The following SDK2 variants were observed in gnomAD, a reference collection of about 807,000 sequenced individuals.
SDK2 encodes the protein protein sidekick-2.
SDK2 carries 105 observed loss-of-function variants against 253.9 expected under a neutral mutation model. That is an observed-to-expected ratio of 0.41 (90% confidence interval 0.35 to 0.49). SDK2 has a LOEUF of 0.49. Ranked by LOEUF, SDK2 falls within the 20% of genes least tolerant of loss-of-function variation. The probability of loss-of-function intolerance (pLI) is 0.06; values close to 1 mark genes in which losing one functional copy is unlikely to be tolerated. For synonymous variants in SDK2, 1,249 were observed against 1,234.9 expected, an observed-to-expected ratio of 1.01 and a Z score of -0.24; for missense variants, 2,608 against 3,003.0, an observed-to-expected ratio of 0.87 and a Z score of 3.07.
chr17:73,512,835 T>C (rs1268536990), intron 1 of SDK2, among the ~76,000 whole-genome samples: 3 of 152,162 alleles, frequency 2.0e-5, no homozygotes, highest in Non-Finnish European at 2.9e-5. Flanking sequence ...GAAAGTAGAA[T>C]TTCAAATCAG....
chr17:73,350,688 C>T lies in SDK2; in HGVS notation c.5861G>A (p.Arg1954Gln), dbSNP rs373850295. ...ILLLVFVLII[R>Q]GQSKKYAKKT... Reference sequence around the variant, plus strand: ...CTTGGCGTACTTCTTGCTCTGGCCCCGGATGATGAGCACGAAGACCAGAAG... The same window carrying T: ...CTTGGCGTACTTCTTGCTCTGGCCCTGGATGATGAGCACGAAGACCAGAAG... The change falls in exon 42 of 45, where the codon CGG becomes CAG. Residue 1954 changes from arginine (R) to glutamine (Q), a missense_variant. Arg to Gln is a conservative substitution (Grantham distance 43). Transcript: ENST00000392650. 6.1e-5 allele frequency: 98 copies of T among 1,613,490 alleles called. No individual in the cohort carries two copies. Among genetic ancestry groups the T allele is most frequent in the South Asian group, 4.9e-4 (45 of 91,044 alleles).
chr17:73,453,051 C>CCA (rs2063499712), intron 4 of SDK2, among the ~76,000 whole-genome samples: 2 of 152,246 alleles, frequency 1.3e-5, no homozygotes, highest in African/African-American at 4.8e-5. Context: ...CTTCACCCTG[C>CCA]TCTGTATCCA....
At chr17:73,359,313 C>T (rs1395496882) in intron 39 of SDK2, among the ~76,000 whole-genome samples, 5 of 151,894 alleles carry the variant, frequency 3.3e-5, no homozygotes, top group African/African-American at 9.7e-5. Context: ...CCCACCCCAT[C>T]GCTCACACAG....
At chr17:73,580,165 A>G (rs1244611018) in intron 1 of SDK2, among the ~76,000 whole-genome samples, 1 of 152,148 alleles carries the variant, frequency 6.6e-6, no homozygotes, top group African/African-American at 2.4e-5. Context: ...TGGCCATCCT[A>G]GCAAATGAAA....
At chr17:73,579,806 A>G (rs578049264) in intron 1 of SDK2, among the ~76,000 whole-genome samples, 2 of 152,108 alleles carry the variant, frequency 1.3e-5, no homozygotes, top group African/African-American at 4.8e-5. Context: ...GTGAAACCCC[A>G]TCTCTACTAA....
chr17:73,432,742 G>C (rs534054575), intron 10 of SDK2, among the ~76,000 whole-genome samples: 170 of 149,886 alleles, frequency 1.1e-3, no homozygotes, highest in African/African-American at 4.0e-3. Flanking sequence ...GGGCTTGCCG[G>C]TGTGAAGGAG....
chr17:73,349,240 T>C (rs539145727), intron 43 of SDK2, among the ~76,000 whole-genome samples: 16 of 152,340 alleles, frequency 1.1e-4, no homozygotes, highest in Admixed American at 9.8e-4. Flanking sequence ...CAAACAGCTC[T>C]TTCTTTGGAA....
At chr17:73,594,534 G>A (rs1292059748) in intron 1 of SDK2, among the ~76,000 whole-genome samples, 2 of 152,080 alleles carry the variant, frequency 1.3e-5, no homozygotes, top group Non-Finnish European at 2.9e-5. Context: ...GAAGCAAGCT[G>A]GAGTCCCAGC....
At chr17:73,595,480 C>T (rs745555857) in intron 1 of SDK2, among the ~76,000 whole-genome samples, 2 of 152,178 alleles carry the variant, frequency 1.3e-5, no homozygotes, top group Non-Finnish European at 2.9e-5. Flanking sequence ...TCCCACACAG[C>T]CATGAGTCTG....
At chr17:73,377,073 T>G (rs952647014) in intron 36 of SDK2, among the ~76,000 whole-genome samples, 1 of 149,200 alleles carries the variant, frequency 6.7e-6, no homozygotes, top group African/African-American at 2.5e-5. Flanking sequence ...TACTCCCCAC[T>G]TAAGCCATGG....
intron 1 of SDK2, among the ~76,000 whole-genome samples, chr17:73,617,773 G>T (rs962244297): frequency 6.6e-6 from 1 of 152,252 alleles, no homozygotes; most frequent in South Asian, 2.1e-4. Context: ...ATTAACTAAA[G>T]AATTCCCAAT....
chr17:73,435,462 G>A lies in SDK2; in HGVS notation c.1183C>T (p.Leu395=). 6.3e-7 allele frequency: 1 copy of A among 1,593,864 alleles called. No individual in the cohort carries two copies. The highest frequency in any genetic ancestry group is 8.5e-7 in the Non-Finnish European group (1 of 1,169,910). The stretch of plus-strand genomic sequence containing the variant: ...AGGCCCAACTTACTGGTGACAGCCA[G>A]GTAGGTGGAAGTTTGCACCTCGCCG... ...AAGEVQTSTY[L]AVTSIAPNIT... Residue 395 remains leucine, a synonymous_variant, in exon 9 of 45, where the codon CTG becomes TTG. Transcript: ENST00000392650. The surrounding 1 kb of genome is among the most constrained non-coding windows in gnomAD (Gnocchi z 5.7).
At chr17:73,438,962 G>C (rs2063393648) in intron 6 of SDK2, among the ~76,000 whole-genome samples, 1 of 152,198 alleles carries the variant, frequency 6.6e-6, no homozygotes, top group African/African-American at 2.4e-5. Flanking sequence ...GCTTCTCAGG[G>C]CTTTCACTGC....
Position 73,437,755 on chromosome 17 carries a change from G to C in SDK2, c.984C>G (p.Ile328Met), listed in dbSNP as rs767749563. Residue 328 changes from isoleucine to methionine, a missense_variant, in exon 8 of 45, where the codon ATC becomes ATG. Physicochemically the swap from Ile to Met is conservative, Grantham distance 10. This residue lies in a region of SDK2 where 1,505 missense variants were observed against 1,859.1 expected (regional missense o/e 0.81). Transcript: ENST00000392650. ...ITAEMEKVVD[I>M]PCQAKGVPPP... ...CCTCATTACCTTTGGCCTGACAGGG[G>C]ATGTCCACCACCTTCTCCATCTCCG... is the stretch of plus-strand genomic sequence containing the variant. 27 of 1,613,808 alleles carry C rather than the reference G, an allele frequency of 1.7e-5. No homozygotes were observed. Among genetic ancestry groups the C allele is most frequent in the Middle Eastern group, 3.3e-4 (2 of 6,084 alleles).
chr17:73,411,283 A>G (rs2063123721), intron 18 of SDK2, among the ~76,000 whole-genome samples: 1 of 152,058 alleles, frequency 6.6e-6, no homozygotes, highest in Non-Finnish European at 1.5e-5. Context: ...CCTCTTCATT[A>G]TTTCATCCCA....
Position 73,399,500 on chromosome 17 carries a change from G to C in SDK2, c.2972-211C>G, listed in dbSNP as rs964633549. 2.0e-5 allele frequency among the ~76,000 whole-genome samples: 3 copies of C among 152,278 alleles called. No homozygotes were observed. The East Asian group carries it at 5.8e-4, about 29-fold the overall frequency. On this transcript the variant is annotated intron_variant, in intron 21 of 44. Transcript: ENST00000392650. ...TGCCAGGAGGCTGAGACAGAGTTGG[G>C]GGTCAAAGGGGATCTCCTAGGGCTG... is the stretch of plus-strand genomic sequence containing the variant.
Position 73,537,519 on chromosome 17 carries a change from G to A in SDK2, c.65-29922C>T, listed in dbSNP as rs535715799. ...ATCGGGCTCCAGAGCTGCTGATGGA[G>A]AGGCAGGCAGAGGGTGGAAGGGATG... On this transcript the variant is annotated intron_variant, in intron 1 of 44. Coordinates refer to ENST00000392650, the MANE Select transcript of SDK2 (RefSeq NM_001144952.2). Among the ~76,000 whole-genome samples, 19 of 152,256 alleles carry A rather than the reference G, an allele frequency of 1.2e-4. No individual in the cohort carries two copies. The South Asian group carries it at 3.1e-3, about 25-fold the overall frequency.
At chr17:73,388,737 CT>C (rs2062895479) in intron 29 of SDK2, among the ~76,000 whole-genome samples, 1 of 98,070 alleles carries the variant, frequency 1.0e-5, no homozygotes, top group Non-Finnish European at 2.6e-5. Flanking sequence ...CCTTCCCTCC[CT>C]TCCTTCCCTC....
intron 1 of SDK2, among the ~76,000 whole-genome samples, chr17:73,595,529 A>G (rs2045744772): frequency 6.6e-6 from 1 of 152,084 alleles, no homozygotes; most frequent in South Asian, 2.1e-4. Flanking sequence ...ATCAGAGGAA[A>G]CGCTGTCTCC....
Sources: gnomAD v4.1 joint callset for allele counts (sites outside exome capture counted in the v4.1 genomes callset) on GRCh38, gnomAD v4.1.1 for gene constraint, gnomAD v4.1.1 regional missense constraint, Gnocchi (gnomAD v3.1) non-coding constraint, MANE v1.5 for transcripts, NCBI Gene and HGNC (gene_info 2026-07-23, HGNC 2026-07-21) for gene names.